ADAMTS16: variants seen among roughly 807,000 people sequenced by gnomAD.
ADAMTS16 encodes the protein ADAM metallopeptidase with thrombospondin type 1 motif 16, also known as A disintegrin and metalloproteinase with thrombospondin motifs 16.
Under a neutral mutation model 145.8 loss-of-function variants are expected in ADAMTS16, and 94 were observed. The observed-to-expected ratio is 0.64, with a 90% CI of 0.55 to 0.77. The LOEUF (loss-of-function observed/expected upper bound fraction) is 0.77. Among genes scored for constraint, ADAMTS16 ranks in the 30% least tolerant of loss-of-function variants. The pLI is 0.00. For synonymous variants in ADAMTS16, 659 were observed against 604.3 expected, an observed-to-expected ratio of 1.09 and a Z score of -1.33; for missense variants, 1,585 against 1,591.5, an observed-to-expected ratio of 1.00 and a Z score of 0.07.
At chr5:5,199,684 C>G (rs539975290) in intron 8 of ADAMTS16, among the ~76,000 whole-genome samples, 3 of 152,186 alleles carry the variant, frequency 2.0e-5, no homozygotes, top group Non-Finnish European at 4.4e-5. Flanking sequence ...TTTGTTTGGA[C>G]AGCTCAAACG....
chr5:5,173,042 A>G (rs1018078031), intron 3 of ADAMTS16, among the ~76,000 whole-genome samples: 2 of 152,000 alleles, frequency 1.3e-5, no homozygotes, highest in African/African-American at 4.8e-5. Context: ...TTAGGACTCC[A>G]GCCCTTTTTT....
chr5:5,283,284 G>T (rs1374527100), intron 18 of ADAMTS16, among the ~76,000 whole-genome samples: 1 of 152,068 alleles, frequency 6.6e-6, no homozygotes, highest in Admixed American at 6.5e-5. Flanking sequence ...TTTTTTATCT[G>T]ATTATGGAAA....
In ADAMTS16 at chr5:5,154,727, A is replaced by G. The variant is rs375517986; in HGVS notation, c.501+8272A>G. On this transcript the variant is annotated intron_variant, in intron 3 of 22. Coordinates refer to ENST00000274181, the MANE Select transcript of ADAMTS16 (RefSeq NM_139056.4). ...CGATGTTTTCACCAAGAATCACTTGATGATATTACTTCATCATCATGAAAT... is the reference window on the plus strand; with the variant it reads ...CGATGTTTTCACCAAGAATCACTTGGTGATATTACTTCATCATCATGAAAT... Among the ~76,000 whole-genome samples, 14 of 152,304 alleles carry G rather than the reference A, an allele frequency of 9.2e-5. No individual in the cohort carries two copies. The East Asian group carries it at 2.5e-3, about 27-fold the overall frequency.
chr5:5,182,445 T>C (rs1560937713), intron 4 of ADAMTS16, 140 bp downstream of exon 4: 2 of 1,101,986 alleles, frequency 1.8e-6, no homozygotes, highest in East Asian at 2.6e-5. Context: ...GAAGCAATGA[T>C]TCCAGAGAGA....
intron 18 of ADAMTS16, among the ~76,000 whole-genome samples, chr5:5,282,624 C>T (rs1738963887): frequency 6.6e-6 from 1 of 152,208 alleles, no homozygotes; most frequent in Non-Finnish European, 1.5e-5. Flanking sequence ...GAAAGCCCAC[C>T]TCTCAACACT....
chr5:5,187,070 G>T (rs1318636733), intron 5 of ADAMTS16, among the ~76,000 whole-genome samples: 1 of 152,208 alleles, frequency 6.6e-6, no homozygotes, highest in Non-Finnish European at 1.5e-5. Flanking sequence ...CCGCTGCACG[G>T]GGTCAAAGCA....
At chr5:5,159,491 C>T (rs1300144319) in intron 3 of ADAMTS16, among the ~76,000 whole-genome samples, 7 of 152,100 alleles carry the variant, frequency 4.6e-5, no homozygotes, top group Non-Finnish European at 7.4e-5. Context: ...TATTTGTTCT[C>T]CTCAGTCCCC....
intron 5 of ADAMTS16, among the ~76,000 whole-genome samples, chr5:5,186,734 T>C (rs892040783): frequency 1.3e-5 from 2 of 152,160 alleles, no homozygotes; most frequent in Non-Finnish European, 2.9e-5. Flanking sequence ...TCAGGTAAAA[T>C]GTGTTTGTGT....
At chr5:5,222,767 A>T (rs368402916) in intron 10 of ADAMTS16, 22 bp from the exon 11 acceptor site, 94 of 1,588,628 alleles carry the variant, frequency 5.9e-5, no homozygotes, top group Non-Finnish European at 7.6e-5. Flanking sequence ...AATCCTAATG[A>T]CCTTTTACAA....
At chr5:5,191,850 A>T in intron 8 of ADAMTS16, 60 bp downstream of exon 8, 1 of 1,284,808 alleles carries the variant, frequency 7.8e-7, no homozygotes. Context: ...GATGATTTCC[A>T]TGGAAATATT....
chr5:5,259,795 A>G (rs149902735), intron 17 of ADAMTS16, among the ~76,000 whole-genome samples: 205 of 152,356 alleles, frequency 1.3e-3, no homozygotes, highest in African/African-American at 4.5e-3. Flanking sequence ...GCAGCTTTTT[A>G]CATAACTCAG....
At chr5:5,263,927 G>A (rs1329967424) in intron 18 of ADAMTS16, among the ~76,000 whole-genome samples, 2 of 152,148 alleles carry the variant, frequency 1.3e-5, no homozygotes, top group Non-Finnish European at 2.9e-5. Flanking sequence ...CTGAAGGATG[G>A]TGAGGGCGGA....
chr5:5,167,712 G>T (rs1734920412), intron 3 of ADAMTS16, among the ~76,000 whole-genome samples: 1 of 152,236 alleles, frequency 6.6e-6, no homozygotes, highest in African/African-American at 2.4e-5. Context: ...AGCTTTCAAA[G>T]ATGTGTTAAT....
At chr5:5,288,597 G>A (rs889781584) in intron 18 of ADAMTS16, among the ~76,000 whole-genome samples, 1 of 152,098 alleles carries the variant, frequency 6.6e-6, no homozygotes, top group African/African-American at 2.4e-5. Context: ...CAGGAGTAAT[G>A]AATTCTTTAC....
intron 3 of ADAMTS16, among the ~76,000 whole-genome samples, chr5:5,146,673 G>A (rs1233600628): frequency 6.6e-6 from 1 of 152,188 alleles, no homozygotes; most frequent in Non-Finnish European, 1.5e-5. Context: ...TGCTGCTGCT[G>A]TTCTAGAATT....
chr5:5,187,527 G>A (rs1450693318), intron 5 of ADAMTS16, among the ~76,000 whole-genome samples, 198 bp from the exon 6 acceptor site: 9 of 152,172 alleles, frequency 5.9e-5, no homozygotes, highest in Admixed American at 2.0e-4. Flanking sequence ...GTGTTTGACC[G>A]TAAGAGGTGG....
intron 21 of ADAMTS16, among the ~76,000 whole-genome samples, chr5:5,312,280 G>C (rs1423068626): frequency 6.6e-6 from 1 of 152,098 alleles, no homozygotes; most frequent in African/African-American, 2.4e-5. Context: ...AAGTATTCCA[G>C]TTAGAAATAA....
rs369938634 is a variant in ADAMTS16 at position 5,157,232 on chromosome 5, A to G, written c.501+10777A>G. On this transcript the variant is annotated intron_variant, in intron 3 of 22. Coordinates refer to ENST00000274181, the MANE Select transcript of ADAMTS16 (RefSeq NM_139056.4). ...TCACAGAAATATATAGAAACTAAATATATAAAAACTAAATTAAAATAATTT... is the reference window on the plus strand; with the variant it reads ...TCACAGAAATATATAGAAACTAAATGTATAAAAACTAAATTAAAATAATTT... Among the ~76,000 whole-genome samples the G allele has an allele frequency of 8.5e-5, 13 of 152,152 alleles. No individual in the cohort carries two copies. In the East Asian group the frequency reaches 2.5e-3, roughly 29 times the overall value.
intron 9 of ADAMTS16, among the ~76,000 whole-genome samples, chr5:5,201,608 C>T (rs989914429): frequency 6.6e-6 from 1 of 151,732 alleles, no homozygotes; most frequent in South Asian, 2.1e-4. Context: ...TTAACGTATA[C>T]AGTAAGATGA....
Sources: gnomAD v4.1 joint callset for allele counts (sites outside exome capture counted in the v4.1 genomes callset) on GRCh38, gnomAD v4.1.1 for gene constraint, MANE v1.5 for transcripts, NCBI Gene and HGNC (gene_info 2026-07-23, HGNC 2026-07-21) for gene names.